The following ADAMTSL1 variants were observed in gnomAD, a reference collection of about 807,000 sequenced individuals.
The protein encoded by ADAMTSL1 is ADAMTS like 1, also known as ADAMTS-like protein 1.
A neutral mutation model predicts 201.8 loss-of-function variants in ADAMTSL1; 126 were observed. The ratio of observed to expected loss-of-function variants is 0.62; its 90% confidence interval spans 0.54 to 0.72. ADAMTSL1 has a LOEUF of 0.72. ADAMTSL1 is among the 30% of genes least tolerant of loss of function. The pLI is 0.00. For missense variants in ADAMTSL1, 2,679 were observed against 2,277.8 expected, an observed-to-expected ratio of 1.18 and a Z score of -3.59; for synonymous variants, 1,121 against 903.4, an observed-to-expected ratio of 1.24 and a Z score of -4.32.
At chr9:18,714,988 A>T (rs1397114117) in intron 14 of ADAMTSL1, among the ~76,000 whole-genome samples, 6 of 117,716 alleles carry the variant, frequency 5.1e-5, no homozygotes, top group African/African-American at 1.7e-4. Flanking sequence ...ACAGAACCAA[A>T]GACAAAAACA....
At chr9:17,908,379 A>G (rs895050271) in intron 1 of ADAMTSL1, among the ~76,000 whole-genome samples, 1 of 152,178 alleles carries the variant, frequency 6.6e-6, no homozygotes, top group Admixed American at 6.5e-5. Context: ...CTGGGACATC[A>G]GAAATTCTAA....
At chr9:18,905,645 A>T (rs2131622130) in intron 26 of ADAMTSL1, 137 bp from the exon 27 acceptor site, 1 of 648,234 alleles carries the variant, frequency 1.5e-6, no homozygotes, top group Non-Finnish European at 2.7e-6. Context: ...AGTTAGCCCA[A>T]AGAGGGGAAA....
chr9:18,433,975 T>A (rs1819610359), intron 2 of ADAMTSL1, among the ~76,000 whole-genome samples: 1 of 152,224 alleles, frequency 6.6e-6, no homozygotes, highest in African/African-American at 2.4e-5. Flanking sequence ...TGTTAGAAAC[T>A]GTAAATTTTA....
At chr9:18,586,763 A>G (rs1198416469) in intron 4 of ADAMTSL1, among the ~76,000 whole-genome samples, 1 of 152,170 alleles carries the variant, frequency 6.6e-6, no homozygotes, top group Non-Finnish European at 1.5e-5. Flanking sequence ...GACCAATGGA[A>G]CAGAATAGAG....
At chr9:18,352,927 T>G (rs1836040769) in intron 2 of ADAMTSL1, among the ~76,000 whole-genome samples, 1 of 152,216 alleles carries the variant, frequency 6.6e-6, no homozygotes, top group Middle Eastern at 3.2e-3. Context: ...TGGTAGTCCA[T>G]GACTAACCCC....
At chr9:18,594,450 C>A (rs1243330455) in intron 4 of ADAMTSL1, among the ~76,000 whole-genome samples, 1 of 152,074 alleles carries the variant, frequency 6.6e-6, no homozygotes, top group Non-Finnish European at 1.5e-5. Flanking sequence ...TCTTTAACAC[C>A]AGTAACTCAA....
At chr9:18,033,331 C>T (rs116612209) in intron 1 of ADAMTSL1, among the ~76,000 whole-genome samples, 162 of 152,204 alleles carry the variant, frequency 1.1e-3, no homozygotes, top group African/African-American at 3.7e-3. Context: ...AGTGTGTACA[C>T]ATATCAAAAT....
intron 1 of ADAMTSL1, among the ~76,000 whole-genome samples, chr9:17,985,674 A>T (rs1226598865): frequency 6.6e-6 from 1 of 152,150 alleles, no homozygotes; most frequent in Non-Finnish European, 1.5e-5. Flanking sequence ...ATAATTATAC[A>T]CAGAATTCCG....
At chr9:18,411,481 G>C (rs922577720) in intron 2 of ADAMTSL1, among the ~76,000 whole-genome samples, 2 of 152,128 alleles carry the variant, frequency 1.3e-5, no homozygotes, top group Non-Finnish European at 2.9e-5. Context: ...TTATAGGCGT[G>C]AGCCGCCATA....
chr9:18,775,848 C>T lies in ADAMTSL1; in HGVS notation c.2503C>T (p.Leu835=). The change falls in exon 18 of 29, where the codon CTG becomes TTG. Residue 835 remains leucine, a synonymous_variant. Coordinates refer to ENST00000380548, the MANE Select transcript of ADAMTSL1 (RefSeq NM_001040272.6). The part of the protein sequence containing the change: ...TVVNSTLCPP[L]PFSSSIRPCM... ...TGTCAATTCCACCCTGTGCCCGCCC[C>T]TGCCTTTCTCTTCCTCCATCAGGCC... The T allele has an allele frequency of 6.2e-7, 1 of 1,604,954 alleles. No homozygotes were observed. Among genetic ancestry groups the T allele is most frequent in the Non-Finnish European group, 8.5e-7 (1 of 1,175,426 alleles).
chr9:18,355,428 G>GTGATATT, intron 2 of ADAMTSL1, among the ~76,000 whole-genome samples: 2 of 152,232 alleles, frequency 1.3e-5, no homozygotes, highest in South Asian at 4.1e-4. Flanking sequence ...AAGATTGGAG[G>GTGATATT]TGATATTTTC....
intron 2 of ADAMTSL1, among the ~76,000 whole-genome samples, chr9:18,352,061 A>T (rs1008410953): frequency 3.9e-5 from 6 of 152,208 alleles, no homozygotes; most frequent in African/African-American, 1.4e-4. Flanking sequence ...GGGTTTAACA[A>T]ACTTTTTTTT....
chr9:18,315,227 G>C (rs894595723), intron 2 of ADAMTSL1, among the ~76,000 whole-genome samples: 9 of 152,146 alleles, frequency 5.9e-5, no homozygotes, highest in African/African-American at 2.2e-4. Flanking sequence ...AGCTAGACAC[G>C]AAGTGCTGAC....
chr9:18,641,118 C>G (rs10963697), intron 7 of ADAMTSL1, among the ~76,000 whole-genome samples: 11,041 of 152,026 alleles, frequency 0.073, 477 homozygotes, highest in African/African-American at 0.13. Context: ...TCTCATAACT[C>G]ATTACCTTTG....
At chr9:18,400,242 A>C (rs1230119600) in intron 2 of ADAMTSL1, among the ~76,000 whole-genome samples, 1 of 152,198 alleles carries the variant, frequency 6.6e-6, no homozygotes, top group Non-Finnish European at 1.5e-5. Context: ...CTTATTTCTA[A>C]GTATGTGGAC....
At chr9:18,479,721 C>A (rs888189011) in intron 1 of ADAMTSL1, among the ~76,000 whole-genome samples, 5 of 152,144 alleles carry the variant, frequency 3.3e-5, no homozygotes, top group African/African-American at 9.7e-5. Context: ...GTTCCTCCTG[C>A]CTCTTTCAGA....
intron 26 of ADAMTSL1, among the ~76,000 whole-genome samples, chr9:18,897,718 A>G (rs1019367188): frequency 1.3e-5 from 2 of 152,210 alleles, no homozygotes; most frequent in East Asian, 3.8e-4. Context: ...AGCAACCTCA[A>G]CAAAGGTAGA....
chr9:18,008,024 A>G (rs1246270678), intron 1 of ADAMTSL1, among the ~76,000 whole-genome samples: 1 of 151,980 alleles, frequency 6.6e-6, no homozygotes, highest in African/African-American at 2.4e-5. Context: ...AAAGAAACAT[A>G]TTTTGCTCTA....
intron 1 of ADAMTSL1, among the ~76,000 whole-genome samples, chr9:17,908,137 T>C (rs1825795936): frequency 6.6e-6 from 1 of 152,140 alleles, no homozygotes; most frequent in Non-Finnish European, 1.5e-5. Context: ...ATTACTCTCA[T>C]CAGTAGTAGA....
Sources: gnomAD v4.1 joint callset for allele counts (sites outside exome capture counted in the v4.1 genomes callset) on GRCh38, gnomAD v4.1.1 for gene constraint, MANE v1.5 for transcripts, NCBI Gene and HGNC (gene_info 2026-07-23, HGNC 2026-07-21) for gene names.